The following LRIG1 variants were observed in gnomAD, a reference collection of about 807,000 sequenced individuals.
LRIG1 encodes the protein leucine rich repeats and immunoglobulin like domains 1.
Under a neutral mutation model 99.2 loss-of-function variants are expected in LRIG1, and 48 were observed. That is an observed-to-expected ratio of 0.48 (90% CI 0.38 to 0.62). The LOEUF is 0.62. Among genes scored for constraint, LRIG1 ranks in the 20% least tolerant of loss-of-function variants. LRIG1 has a pLI of 0.00. For missense variants in LRIG1, 1,646 were observed against 1,434.4 expected (o/e 1.15, Z -2.38); for synonymous variants, 772 against 596.1 (o/e 1.29, Z -4.30).
chr3:66,494,700 T>C (rs1701188823), intron 1 of LRIG1, among the ~76,000 whole-genome samples: 3 of 152,182 alleles, frequency 2.0e-5, no homozygotes, highest in South Asian at 2.1e-4. Flanking sequence ...AGCCTTTGTA[T>C]AAGAAAAGTT....
At chr3:66,418,657 G>A (rs1702699218) in intron 3 of LRIG1, among the ~76,000 whole-genome samples, 1 of 152,198 alleles carries the variant, frequency 6.6e-6, no homozygotes, top group Non-Finnish European at 1.5e-5. Flanking sequence ...AGCATCTCTG[G>A]CCAATCAAAG....
intron 13 of LRIG1, among the ~76,000 whole-genome samples, chr3:66,385,174 C>T (rs895161147): frequency 6.6e-6 from 1 of 152,082 alleles, no homozygotes; most frequent in Non-Finnish European, 1.5e-5. Context: ...CACACAATAA[C>T]ACATGGTCCC....
chr3:66,446,934 G>A (rs1236907941), intron 3 of LRIG1, among the ~76,000 whole-genome samples: 1 of 150,056 alleles, frequency 6.7e-6, no homozygotes, highest in Non-Finnish European at 1.5e-5. Context: ...GAAGGAGTAT[G>A]GGGTTTTTTG....
chr3:66,430,019 C>G (rs1703115381), intron 3 of LRIG1, among the ~76,000 whole-genome samples: 1 of 152,188 alleles, frequency 6.6e-6, no homozygotes, highest in Non-Finnish European at 1.5e-5. Context: ...GTATTGACTG[C>G]TATAGCCTTA....
chr3:66,431,426 G>C (rs187741627), intron 3 of LRIG1, among the ~76,000 whole-genome samples: 2 of 152,158 alleles, frequency 1.3e-5, no homozygotes, highest in Non-Finnish European at 2.9e-5. Flanking sequence ...AGAAGCGTCC[G>C]CACTACCCAC....
chr3:66,449,095 T>C (rs1703815903), intron 3 of LRIG1, among the ~76,000 whole-genome samples: 1 of 152,240 alleles, frequency 6.6e-6, no homozygotes, highest in South Asian at 2.1e-4. Flanking sequence ...GGTGGTTCTT[T>C]GGGCTGTAAA....
At chr3:66,410,393 G>T in intron 6 of LRIG1, 121 bp from the exon 7 acceptor site, 1 of 933,214 alleles carries the variant, frequency 1.1e-6, no homozygotes, top group East Asian at 2.5e-5. Context: ...AACAGTGCAC[G>T]ACAGAACTGT....
chr3:66,437,374 T>C (rs1575690659), intron 3 of LRIG1, among the ~76,000 whole-genome samples: 1 of 152,254 alleles, frequency 6.6e-6, no homozygotes, highest in African/African-American at 2.4e-5. Flanking sequence ...TAATGAGCCC[T>C]GGGGGCAAGC....
chr3:66,450,707 C>A (rs957163534), intron 3 of LRIG1, among the ~76,000 whole-genome samples: 1 of 152,172 alleles, frequency 6.6e-6, no homozygotes, highest in African/African-American at 2.4e-5. Context: ...TATAGGTGAG[C>A]AAACTAATTA....
At chr3:66,400,055 C>T (rs142683031) in intron 9 of LRIG1, among the ~76,000 whole-genome samples, 6 of 152,350 alleles carry the variant, frequency 3.9e-5, no homozygotes, top group Middle Eastern at 3.4e-3. Context: ...CAACCTCCAA[C>T]GTTATCGCTA....
At chr3:66,471,794 A>G (rs1700601640) in intron 1 of LRIG1, among the ~76,000 whole-genome samples, 1 of 152,200 alleles carries the variant, frequency 6.6e-6, no homozygotes, top group South Asian at 2.1e-4. Flanking sequence ...TGGTGGATAC[A>G]TTTGGAATCC....
Position 66,500,319 on chromosome 3 carries a change from G to C in LRIG1, c.89C>G (p.Pro30Arg). 1.3e-6 allele frequency: 2 copies of C among 1,484,812 alleles called. No individual in the cohort carries two copies. The highest frequency in any genetic ancestry group is 1.3e-5 in the South Asian group (1 of 78,500). 92.0% of individuals were successfully genotyped at this position (1,484,812 alleles called of 1,614,324 possible). The change falls in exon 1 of 19, where the codon CCG becomes CGG. Residue 30 changes from proline to arginine, a missense_variant. Physicochemically the swap from Pro to Arg is moderately radical, Grantham distance 103. Coordinates refer to ENST00000273261, the MANE Select transcript of LRIG1 (RefSeq NM_015541.3). ...CCGCGGGCCGGCCGCGGCGGTCACC[G>C]GCTCCAGCCGAAGCAAAAGCAGCCA... ...LLWLLLLRLE[P>R]VTAAAGPRAP...
chr3:66,405,785 C>A (rs1575665938), intron 8 of LRIG1: 1 of 1,185,374 alleles, frequency 8.4e-7, no homozygotes, highest in South Asian at 1.6e-5. Flanking sequence ...GAGCCCATCT[C>A]CTCCCAAGGC....
chr3:66,435,584 G>C lies in LRIG1; in HGVS notation c.365+15975C>G, dbSNP rs115304319. Among the ~76,000 whole-genome samples the C allele has an allele frequency of 4.4e-3, 676 of 152,068 alleles. 8 individuals are homozygous for C. Among genetic ancestry groups the C allele is most frequent in the African/African-American group, 0.015 (636 of 41,480 alleles). On this transcript the variant is annotated intron_variant, in intron 3 of 18. Transcript: ENST00000273261. The stretch of plus-strand genomic sequence containing the variant: ...GCAGAGCAAGACTCTGTCTCAAAAA[G>C]AAAACAAAAGACAACCAAGGGTGTG...
intron 9 of LRIG1, among the ~76,000 whole-genome samples, chr3:66,403,880 C>A (rs1038906336): frequency 6.6e-6 from 1 of 152,216 alleles, no homozygotes; most frequent in Non-Finnish European, 1.5e-5. Context: ...GGCGCCAGTG[C>A]TGAACACCTC....
At chr3:66,398,313 T>G in intron 10 of LRIG1, 130 bp from the exon 11 acceptor site, 1 of 672,592 alleles carries the variant, frequency 1.5e-6, no homozygotes, top group East Asian at 2.7e-5. Flanking sequence ...TATAAGTGGC[T>G]GTTGTTTCCC....
Position 66,500,611 on chromosome 3 carries a change from G to A in LRIG1, c.-204C>T. On this transcript the variant is annotated 5_prime_UTR_variant, in exon 1 of 19. Transcript: ENST00000273261. ...GGGCCGCTCCGGAGCACCCGGCGGGGGCCGCAAACCCCGCGCCCATCCGGG... is the reference window on the plus strand; with the variant it reads ...GGGCCGCTCCGGAGCACCCGGCGGGAGCCGCAAACCCCGCGCCCATCCGGG... 1 of 340,504 alleles carries A rather than the reference G, an allele frequency of 2.9e-6. No individual in the cohort carries two copies. Among genetic ancestry groups the A allele is most frequent in the Non-Finnish European group, 5.3e-6 (1 of 189,668 alleles). The allele number at this position is 340,504 out of a possible 1,614,324, so 21.1% of individuals were successfully genotyped here.
At chr3:66,477,485 C>A (rs1700748580) in intron 1 of LRIG1, among the ~76,000 whole-genome samples, 1 of 152,132 alleles carries the variant, frequency 6.6e-6, no homozygotes, top group Non-Finnish European at 1.5e-5. Flanking sequence ...TCTGGCCCCT[C>A]CAAATGGACA....
intron 2 of LRIG1, among the ~76,000 whole-genome samples, chr3:66,452,488 A>G (rs1459971741): frequency 6.6e-6 from 1 of 152,218 alleles, no homozygotes; most frequent in Non-Finnish European, 1.5e-5. Context: ...AATCCTTAAG[A>G]AAACCAAAGC....
Sources: gnomAD v4.1 joint callset for allele counts (sites outside exome capture counted in the v4.1 genomes callset) on GRCh38, gnomAD v4.1.1 for gene constraint, MANE v1.5 for transcripts, NCBI Gene and HGNC (gene_info 2026-07-23, HGNC 2026-07-21) for gene names.